The following ASB18 variants were observed in gnomAD, a reference collection of about 807,000 sequenced individuals.
ASB18 encodes ankyrin repeat and SOCS box protein 18.
A neutral mutation model predicts 33.4 loss-of-function variants in ASB18; 33 were observed. The ratio of observed to expected loss-of-function variants is 0.99; its 90% CI spans 0.75 to 1.32. ASB18 has a LOEUF of 1.32. Ranked by LOEUF, ASB18 falls within the 40% of genes most tolerant of loss-of-function variation. The pLI is 0.00. For synonymous variants in ASB18, 295 were observed against 307.6 expected, an observed-to-expected ratio of 0.96 and a Z score of 0.43; for missense variants, 694 against 655.5, an observed-to-expected ratio of 1.06 and a Z score of -0.64.
At chr2:236,202,399 T>TTTTC (rs397835669) in intron 4 of ASB18, among the ~76,000 whole-genome samples, 2 of 152,136 alleles carry the variant, frequency 1.3e-5, no homozygotes, top group Admixed American at 1.3e-4. Context: ...CTTTTTGTTT[T>TTTTC]CTGCTTCTTG....
At position 236,200,344 on chromosome 2, in the gene ASB18, G is replaced by T. The variant is rs546866092; in HGVS notation, c.1102-3959C>A. ...AGCCTGGGCGACAGAGCAAGACTCC[G>T]TCTAAAAAAAAAAGAGATGGCGAGT... is the stretch of plus-strand genomic sequence containing the variant. On this transcript the variant is annotated intron_variant, in intron 4 of 5. Transcript: ENST00000409749. This position sits in a 1 kb window ranked among gnomAD's most constrained non-coding sequence, Gnocchi z 4.2. 6.6e-6 allele frequency among the ~76,000 whole-genome samples: 1 copy of T among 151,752 alleles called. No homozygotes were observed. The highest frequency in any genetic ancestry group is 1.5e-5 in the Non-Finnish European group (1 of 67,902).
rs1246161883 is a variant in ASB18, at chr2:236,226,248, A to T, written c.597-11382T>A. Reference sequence around the variant, plus strand: ...CCTGCCAGCATATTCCATTATCATCATTGATATTGAAGGGATTCTAAGTCA... The same window carrying T: ...CCTGCCAGCATATTCCATTATCATCTTTGATATTGAAGGGATTCTAAGTCA... On this transcript the variant is annotated intron_variant, in intron 3 of 5. Transcript: ENST00000409749. The surrounding 1 kb of genome is among the most constrained non-coding windows in gnomAD (Gnocchi z 4.8). Among the ~76,000 whole-genome samples the T allele has an allele frequency of 6.6e-6, 1 of 152,200 alleles. No homozygotes were observed. Among genetic ancestry groups the T allele is most frequent in the African/African-American group, 2.4e-5 (1 of 41,442 alleles).
At position 236,264,005 on chromosome 2, in the gene ASB18, A is replaced by G. The variant is rs188112683; in HGVS notation, c.205+136T>C. On this transcript the variant is annotated intron_variant, in intron 1 of 5. Coordinates refer to ENST00000409749, the MANE Select transcript of ASB18 (RefSeq NM_212556.4). This position sits in a 1 kb window ranked among gnomAD's most constrained non-coding sequence, Gnocchi z 5.1. Reference sequence around the variant, plus strand: ...CTATGCAGTACACATATATGCATGTATGTATGAGAGTCAGATATCCGAGTA... The same window carrying G: ...CTATGCAGTACACATATATGCATGTGTGTATGAGAGTCAGATATCCGAGTA... The G allele has an allele frequency of 4.2e-6, 3 of 709,440 alleles. No homozygotes were observed. Among genetic ancestry groups the G allele is most frequent in the East Asian group, 2.7e-5 (1 of 37,166 alleles). 43.9% of individuals were successfully genotyped at this position (709,440 alleles called of 1,614,324 possible). A position where few individuals can be genotyped will look rare whatever the true frequency, so the allele number is the denominator to read the frequency against.
At chr2:236,201,032 G>T (rs561072341) in intron 4 of ASB18, among the ~76,000 whole-genome samples, 1 of 152,222 alleles carries the variant, frequency 6.6e-6, no homozygotes, top group East Asian at 1.9e-4. Context: ...CATAATAAAG[G>T]CAACTTTCAA....
In ASB18 at chr2:236,251,059, C is replaced by G. The variant is rs2060666691; in HGVS notation, c.206-9657G>C. 6.6e-6 allele frequency among the ~76,000 whole-genome samples: 1 copy of G among 152,206 alleles called. No homozygotes were observed. Among genetic ancestry groups the G allele is most frequent in the South Asian group, 2.1e-4 (1 of 4,828 alleles). ...CACAATAAGGGAGGAAACCACCTCA[C>G]TAACTTATTTTCCCGTCACTGCTAC... On this transcript the variant is annotated intron_variant, in intron 1 of 5. Coordinates refer to ENST00000409749, the MANE Select transcript of ASB18 (RefSeq NM_212556.4). The surrounding 1 kb of genome is among the most constrained non-coding windows in gnomAD (Gnocchi z 5.3).
At position 236,241,093 on chromosome 2, in the gene ASB18, TG is replaced by T. The variant is rs2060619005; in HGVS notation, c.328+186del. ...CCAATCGCTGCTTTGCCTTTCCAAC[TG>T]GATCTCTTATAGGCCATCACCTAAA... is the stretch of plus-strand genomic sequence containing the variant. On this transcript the variant is annotated intron_variant, in intron 2 of 5. Transcript: ENST00000409749. The surrounding 1 kb of genome is among the most constrained non-coding windows in gnomAD (Gnocchi z 4.2). Among the ~76,000 whole-genome samples the T allele has an allele frequency of 6.6e-6, 1 of 152,178 alleles. No individual in the cohort carries two copies. Among genetic ancestry groups the T allele is most frequent in the African/African-American group, 2.4e-5 (1 of 41,446 alleles).
rs2060610089 is a variant in ASB18 at position 236,239,217 on chromosome 2, C to T, written c.329-1261G>A. Among the ~76,000 whole-genome samples, 1 of 152,112 alleles carries T rather than the reference C, an allele frequency of 6.6e-6. No individual in the cohort carries two copies. Among genetic ancestry groups the T allele is most frequent in the Admixed American group, 6.5e-5 (1 of 15,274 alleles). ...GGTGCCAGCTCTTGGTTTTTTGATT[C>T]GATTTGTTTTTCTGAGAGATGAAAA... On this transcript the variant is annotated intron_variant, in intron 2 of 5. Transcript: ENST00000409749. This position sits in a 1 kb window ranked among gnomAD's most constrained non-coding sequence, Gnocchi z 5.6.
chr2:236,221,460 G>A lies in ASB18; in HGVS notation c.597-6594C>T, dbSNP rs1273103054. On this transcript the variant is annotated intron_variant, in intron 3 of 5. Transcript: ENST00000409749. The surrounding 1 kb of genome is among the most constrained non-coding windows in gnomAD (Gnocchi z 5.6). The stretch of plus-strand genomic sequence containing the variant: ...CCGGTGGGAGATAATTGAATCATGG[G>A]GGTGGTTTCCTTCATACTGTTCTCT... Among the ~76,000 whole-genome samples the A allele has an allele frequency of 6.6e-6, 1 of 152,078 alleles. No individual in the cohort carries two copies. The highest frequency in any genetic ancestry group is 1.5e-5 in the Non-Finnish European group (1 of 68,018).
Position 236,237,738 on chromosome 2 carries a change from C to A in ASB18, c.547G>T (p.Ala183Ser). Reference sequence around the variant, plus strand: ...AGGTGCAGAGGCGCCAGGCCCTCGGCGCTGAGCAGGTCGGGGTCGGCGCGG... The same window carrying A: ...AGGTGCAGAGGCGCCAGGCCCTCGGAGCTGAGCAGGTCGGGGTCGGCGCGG... Reference protein sequence around the residue: ...QHRADPDLLSAEGLAPLHLCR... With the variant: ...QHRADPDLLSSEGLAPLHLCR... Residue 183 changes from alanine to serine, a missense_variant, in exon 3 of 6, where the codon GCC (alanine) becomes TCC (serine). Physicochemically the swap from Ala to Ser is moderately conservative, Grantham distance 99. Coordinates refer to ENST00000409749, the MANE Select transcript of ASB18 (RefSeq NM_212556.4). This position sits in a 1 kb window ranked among gnomAD's most constrained non-coding sequence, Gnocchi z 6.2. 6.8e-7 allele frequency: 1 copy of A among 1,460,136 alleles called. No individual in the cohort carries two copies. Among genetic ancestry groups the A allele is most frequent in the Admixed American group, 2.4e-5 (1 of 40,866 alleles). 90.4% of individuals were successfully genotyped at this position (1,460,136 alleles called of 1,614,324 possible).
chr2:236,214,317 G>T lies in ASB18; in HGVS notation c.1101+45C>A. On this transcript the variant is annotated intron_variant, in intron 4 of 5. Coordinates refer to ENST00000409749, the MANE Select transcript of ASB18 (RefSeq NM_212556.4). The surrounding 1 kb of genome is among the most constrained non-coding windows in gnomAD (Gnocchi z 6.5). The stretch of plus-strand genomic sequence containing the variant: ...CAGCTCCCAGGCCGGTCACTAAGTG[G>T]CAAAACTCCAGGGCACGTGCCAGCC... The T allele has an allele frequency of 6.5e-7, 1 of 1,537,444 alleles. No individual in the cohort carries two copies. Among genetic ancestry groups the T allele is most frequent in the South Asian group, 1.2e-5 (1 of 83,490 alleles).
rs2106261049 is a variant in ASB18, at chr2:236,195,927, A to G, written c.1215+345T>C. ...AGCTGCTGGAGCATGAAGCTGACTC[A>G]CAGGGCCGGATTAGTATGTCCTGAC... On this transcript the variant is annotated intron_variant, in intron 5 of 5. Transcript: ENST00000409749. This position sits in a 1 kb window ranked among gnomAD's most constrained non-coding sequence, Gnocchi z 5.5. The G allele has an allele frequency of 2.9e-6, 1 of 349,650 alleles. No homozygotes were observed. 21.7% of individuals were successfully genotyped at this position (349,650 alleles called of 1,614,324 possible).
chr2:236,236,261 T>C (rs1218295653), intron 3 of ASB18, among the ~76,000 whole-genome samples: 2 of 152,158 alleles, frequency 1.3e-5, no homozygotes, highest in Admixed American at 6.5e-5. Context: ...AAAATAATTA[T>C]GTCGAGCGAG....
rs926202908 is a variant in ASB18, at chr2:236,244,623, A to T, written c.206-3221T>A. ...CTTGTGACTCCCCCTACCCCTCGTC[A>T]AGTGCCCCCCGACCTCTGAGTGCCC... On this transcript the variant is annotated intron_variant, in intron 1 of 5. Transcript: ENST00000409749. The surrounding 1 kb of genome is among the most constrained non-coding windows in gnomAD (Gnocchi z 6.1). Among the ~76,000 whole-genome samples the T allele has an allele frequency of 6.6e-6, 1 of 150,552 alleles. No individual in the cohort carries two copies. The highest frequency in any genetic ancestry group is 2.1e-4 in the South Asian group (1 of 4,764).
At position 236,229,145 on chromosome 2, in the gene ASB18, A is replaced by C. The variant is rs1321337000; in HGVS notation, c.596+8544T>G. ...AATTAGTAGGCAGGGCCATTAAAAC[A>C]CTTGTTATAACTATATTCCACCTGT... is the stretch of plus-strand genomic sequence containing the variant. On this transcript the variant is annotated intron_variant, in intron 3 of 5. Transcript: ENST00000409749. This position sits in a 1 kb window ranked among gnomAD's most constrained non-coding sequence, Gnocchi z 5.2. Among the ~76,000 whole-genome samples the C allele has an allele frequency of 1.3e-5, 2 of 152,232 alleles. No homozygotes were observed. Among genetic ancestry groups the C allele is most frequent in the East Asian group, 3.8e-4 (2 of 5,196 alleles).
rs1163897705 is a variant in ASB18, at chr2:236,208,374, GA to G, written c.1101+5987del. ...TTTCAATCATCCCCTTCTGTGTTGG[GA>G]AAAAAATCACGCCATTAAGAAGGAC... On this transcript the variant is annotated intron_variant, in intron 4 of 5. Transcript: ENST00000409749. This position sits in a 1 kb window ranked among gnomAD's most constrained non-coding sequence, Gnocchi z 7.7. 1.3e-5 allele frequency among the ~76,000 whole-genome samples: 2 copies of G among 152,080 alleles called. No individual in the cohort carries two copies. The highest frequency in any genetic ancestry group is 4.8e-5 in the African/African-American group (2 of 41,400).
rs757532414 is a variant in ASB18 at position 236,214,459 on chromosome 2, T to C, written c.1004A>G (p.Gln335Arg). 45 of 1,529,258 alleles carry C rather than the reference T, an allele frequency of 2.9e-5. No homozygotes were observed. Among genetic ancestry groups the C allele is most frequent in the Non-Finnish European group, 3.8e-5 (44 of 1,144,710 alleles). 94.7% of individuals were successfully genotyped at this position (1,529,258 alleles called of 1,614,324 possible). ...GGASPLGRVL[Q>R]TASCALQASP... Reference sequence around the variant, plus strand: ...GGCCTGGAGAGCGCAGGATGCGGTCTGGAGCACGCGGCCCAGCGGCGAGGC... The same window carrying C: ...GGCCTGGAGAGCGCAGGATGCGGTCCGGAGCACGCGGCCCAGCGGCGAGGC... The change falls in exon 4 of 6, where the codon CAG becomes CGG. Residue 335 changes from glutamine to arginine, a missense_variant. Physicochemically the swap from Gln to Arg is conservative, Grantham distance 43. Coordinates refer to ENST00000409749, the MANE Select transcript of ASB18 (RefSeq NM_212556.4). This position sits in a 1 kb window ranked among gnomAD's most constrained non-coding sequence, Gnocchi z 6.5.
rs1381036917 is a variant in ASB18 at position 236,220,576 on chromosome 2, T to A, written c.597-5710A>T. Among the ~76,000 whole-genome samples the A allele has an allele frequency of 6.6e-6, 1 of 150,784 alleles. No individual in the cohort carries two copies. Among genetic ancestry groups the A allele is most frequent in the Non-Finnish European group, 1.5e-5 (1 of 67,802 alleles). On this transcript the variant is annotated intron_variant, in intron 3 of 5. Transcript: ENST00000409749. This position sits in a 1 kb window ranked among gnomAD's most constrained non-coding sequence, Gnocchi z 5.1. The stretch of plus-strand genomic sequence containing the variant: ...GCCTTTTTTTTTTTTTTTAAACAAC[T>A]ATTTATCTTTAGTCCCTGAAACAAC...
rs34973734 is a variant in ASB18 at position 236,202,777 on chromosome 2, CAAA to C, written c.1102-6395_1102-6393del. On this transcript the variant is annotated intron_variant, in intron 4 of 5. Transcript: ENST00000409749. ...CTGGCGACAGAGTGAGACTCCGTCT[CAAA>C]AAAAAAAAAAAAAAATATATATATA... 1.4e-3 allele frequency among the ~76,000 whole-genome samples: 99 copies of C among 68,738 alleles called. 2 individuals carry two copies. The highest frequency in any genetic ancestry group is 5.2e-3 in the African/African-American group (94 of 18,068). 45.1% of individuals were successfully genotyped at this position (68,738 alleles called of 152,430 possible). A position where few individuals can be genotyped will look rare whatever the true frequency, so the allele number is the denominator to read the frequency against.
chr2:236,197,867 A>AG (rs1314311782), intron 4 of ASB18, among the ~76,000 whole-genome samples: 1 of 151,070 alleles, frequency 6.6e-6, no homozygotes, highest in Admixed American at 6.6e-5. Flanking sequence ...GATTTTGGAG[A>AG]GGGGCAGGGC....
Sources: gnomAD v4.1 joint callset for allele counts (sites outside exome capture counted in the v4.1 genomes callset) on GRCh38, gnomAD v4.1.1 for gene constraint, Gnocchi (gnomAD v3.1) non-coding constraint, MANE v1.5 for transcripts, NCBI Gene and HGNC (gene_info 2026-07-23, HGNC 2026-07-21) for gene names.